FILIP1L: variants seen among roughly 807,000 people sequenced by gnomAD.
FILIP1L encodes the protein filamin A interacting protein 1 like.
A neutral mutation model predicts 96.6 loss-of-function variants in FILIP1L; 55 were observed. That is an observed-to-expected ratio of 0.57 (90% confidence interval 0.46 to 0.71). FILIP1L has a LOEUF of 0.71. Ranked by LOEUF, FILIP1L falls within the 30% of genes least tolerant of loss-of-function variation. The pLI, the probability that FILIP1L is intolerant of heterozygous loss-of-function variation, is 0.00. For synonymous variants in FILIP1L, 467 were observed against 473.9 expected (o/e 0.99, Z 0.19); for missense variants, 1,304 against 1,321.2 (o/e 0.99, Z 0.20).
intron 1 of FILIP1L, among the ~76,000 whole-genome samples, chr3:100,064,087 C>A (rs1316853861): frequency 6.6e-6 from 1 of 152,136 alleles, no homozygotes; most frequent in Non-Finnish European, 1.5e-5. Context: ...TGTTTTGTTG[C>A]TTCTGGTTTC....
rs71907944 is a variant in FILIP1L, at chr3:100,062,093, C to CTTTTTTTTTTTT, written c.-11+51948_-11+51959dup. On this transcript the variant is annotated intron_variant, in intron 1 of 5. Coordinates refer to ENST00000477258, the MANE Select transcript of FILIP1L (RefSeq NM_001387850.1). ...CCACTTGTGGTTATCCTGTCTTCTT[C>CTTTTTTTTTTTT]TTTTTTTTTTTTTTTTTTTTTTTTT... Among the ~76,000 whole-genome samples the CTTTTTTTTTTTT allele has an allele frequency of 2.8e-3, 148 of 53,170 alleles. 36 individuals carry two copies. The highest frequency in any genetic ancestry group is 3.7e-3 in the Non-Finnish European group (110 of 29,468). The allele number at this position is 53,170 out of a possible 152,430, so 34.9% of individuals were successfully genotyped here. A position where few individuals can be genotyped will look rare whatever the true frequency, so the allele number is the denominator to read the frequency against.
intron 1 of FILIP1L, among the ~76,000 whole-genome samples, chr3:99,944,454 A>C (rs1431798852): frequency 6.6e-6 from 1 of 152,224 alleles, no homozygotes; most frequent in Non-Finnish European, 1.5e-5. Context: ...AGACTTTTTT[A>C]ATCCTCTAAC....
chr3:99,930,630 T>G (rs1707447638), intron 2 of FILIP1L, 139 bp downstream of exon 2: 1 of 861,016 alleles, frequency 1.2e-6, no homozygotes, highest in Admixed American at 2.8e-5. Flanking sequence ...GGAGAATTCT[T>G]TGTATATATA....
chr3:100,003,961 G>A (rs1252425082), intron 1 of FILIP1L, among the ~76,000 whole-genome samples: 1 of 152,072 alleles, frequency 6.6e-6, no homozygotes, highest in Non-Finnish European at 1.5e-5. Context: ...TCTATGCCTG[G>A]GAATGAACCT....
intron 1 of FILIP1L, among the ~76,000 whole-genome samples, chr3:100,066,459 A>G (rs955128791): frequency 6.8e-6 from 1 of 146,322 alleles, no homozygotes; most frequent in Non-Finnish European, 1.5e-5. Flanking sequence ...AAATGGTTTG[A>G]ATGGTGATGT....
Position 100,021,960 on chromosome 3 carries a change from T to TGAGAGA in FILIP1L, c.-10-90936_-10-90931dup, listed in dbSNP as rs61630053. 6.8e-3 allele frequency among the ~76,000 whole-genome samples: 636 copies of TGAGAGA among 93,260 alleles called. 8 individuals are homozygous for TGAGAGA. The highest frequency in any genetic ancestry group is 0.03 in the East Asian group (85 of 2,862). The allele number at this position is 93,260 out of a possible 152,430, so 61.2% of individuals were successfully genotyped here. A position where few individuals can be genotyped will look rare whatever the true frequency, so the allele number is the denominator to read the frequency against. ...GTGTGTGTGTGTGTGTGTGTGTGTG[T>TGAGAGA]GAGAGAGAGAGAGAGAGAGAGAGAG... On this transcript the variant is annotated intron_variant, in intron 1 of 5. Coordinates refer to ENST00000477258, the MANE Select transcript of FILIP1L (RefSeq NM_001387850.1).
chr3:99,978,821 G>A (rs1203184790), intron 1 of FILIP1L, among the ~76,000 whole-genome samples: 1 of 152,046 alleles, frequency 6.6e-6, no homozygotes, highest in East Asian at 1.9e-4. Flanking sequence ...GGAGGCGGAG[G>A]CTGCAGTGAG....
intron 1 of FILIP1L, among the ~76,000 whole-genome samples, chr3:100,004,746 T>C (rs1709940891): frequency 6.6e-6 from 1 of 152,080 alleles, no homozygotes; most frequent in African/African-American, 2.4e-5. Context: ...GATTGGTGGG[T>C]TTAAAAGTGG....
chr3:100,037,596 C>T (rs1050323005), intron 1 of FILIP1L, among the ~76,000 whole-genome samples: 3 of 152,126 alleles, frequency 2.0e-5, no homozygotes, highest in Non-Finnish European at 4.4e-5. Flanking sequence ...ATCCTTTTAG[C>T]AATCTTTATG....
intron 4 of FILIP1L, among the ~76,000 whole-genome samples, chr3:99,851,981 A>C (rs61010376): frequency 0.12 from 19,024 of 152,198 alleles, 1,714 homozygotes; most frequent in African/African-American, 0.25. Context: ...GACATGACAG[A>C]AGAGAAACTC....
intron 3 of FILIP1L, among the ~76,000 whole-genome samples, chr3:99,926,298 A>G (rs1027493854): frequency 6.6e-6 from 1 of 152,248 alleles, no homozygotes; most frequent in Non-Finnish European, 1.5e-5. Context: ...TCATTATGCC[A>G]TACAATTGTT....
chr3:99,985,070 T>TG (rs1268051438), intron 1 of FILIP1L, among the ~76,000 whole-genome samples: 1 of 152,214 alleles, frequency 6.6e-6, no homozygotes, highest in African/African-American at 2.4e-5. Flanking sequence ...GGTTAGAAGT[T>TG]GCATATTCTG....
At chr3:100,058,433 T>C (rs1482170680) in intron 1 of FILIP1L, among the ~76,000 whole-genome samples, 1 of 152,164 alleles carries the variant, frequency 6.6e-6, no homozygotes, top group Admixed American at 6.5e-5. Flanking sequence ...AGTTGACACA[T>C]AGTTAAGTGA....
At chr3:99,952,596 G>A (rs1052926884) in intron 1 of FILIP1L, among the ~76,000 whole-genome samples, 43 of 152,044 alleles carry the variant, frequency 2.8e-4, no homozygotes, top group African/African-American at 1.0e-3. Flanking sequence ...ACTATGCTTT[G>A]GTTCTTATAG....
chr3:100,045,785 G>A (rs1193422167), intron 1 of FILIP1L, among the ~76,000 whole-genome samples: 3 of 152,242 alleles, frequency 2.0e-5, no homozygotes, highest in African/African-American at 2.4e-5. Context: ...ACCACAGAAA[G>A]CTGTAACACA....
chr3:99,841,732 A>G (rs1024264016), intron 5 of FILIP1L, among the ~76,000 whole-genome samples: 1 of 152,248 alleles, frequency 6.6e-6, no homozygotes, highest in Non-Finnish European at 1.5e-5. Flanking sequence ...ATATAAAAAA[A>G]TGCTCAACAT....
chr3:100,100,134 G>A (rs182319527), intron 1 of FILIP1L, among the ~76,000 whole-genome samples: 157 of 152,282 alleles, frequency 1.0e-3, no homozygotes, highest in Non-Finnish European at 1.7e-3. Context: ...GAATGGCCTG[G>A]AAGTGGCATG....
chr3:100,110,044 G>C (rs2066464977), intron 1 of FILIP1L: 1 of 151,448 alleles, frequency 6.6e-6, no homozygotes, highest in South Asian at 2.1e-4. Flanking sequence ...AATAGAACCA[G>C]CCCGAAGATA....
intron 1 of FILIP1L, among the ~76,000 whole-genome samples, chr3:100,083,758 G>A (rs1259824093): frequency 2.0e-5 from 3 of 151,962 alleles, no homozygotes; most frequent in Non-Finnish European, 4.4e-5. Context: ...TGTTTGTTTA[G>A]AGAAGGGGGT....
Sources: allele counts gnomAD v4.1 joint callset (sites outside exome capture counted in the v4.1 genomes callset), GRCh38; gene constraint gnomAD v4.1.1; transcripts MANE v1.5; gene names NCBI Gene and HGNC (gene_info 2026-07-23, HGNC 2026-07-21).